The following SUZ12 variants were observed in gnomAD, a reference collection of about 807,000 sequenced individuals.
The protein encoded by SUZ12 is polycomb protein SUZ12.
In SUZ12, 17 loss-of-function variants were observed where a neutral mutation model predicts 87.3. The observed-to-expected ratio is 0.19, with a 90% CI of 0.13 to 0.29. The LOEUF is 0.29. Among genes scored for constraint, SUZ12 ranks in the 10% least tolerant of loss-of-function variants. The pLI, the probability that SUZ12 is intolerant of heterozygous loss-of-function variation, is 1.00. For missense variants in SUZ12, 526 were observed against 912.2 expected (o/e 0.58, Z 5.45); for synonymous variants, 253 against 312.4 (o/e 0.81, Z 2.01).
chr17:31,972,383 G>GTATATATATATA (rs71142099), intron 5 of SUZ12, among the ~76,000 whole-genome samples: 5 of 144,682 alleles, frequency 3.5e-5, no homozygotes, highest in African/African-American at 1.3e-4. Context: ...GTTTGTGTGT[G>GTATATATATATA]TATATATATA....
intron 8 of SUZ12, among the ~76,000 whole-genome samples, chr17:31,981,813 T>A (rs1233761773): frequency 1.3e-5 from 2 of 152,246 alleles, no homozygotes; most frequent in Non-Finnish European, 2.9e-5. Flanking sequence ...TTTTCTTGCC[T>A]CAGTTTTCTC....
intron 6 of SUZ12, 82 bp downstream of exon 6, chr17:31,973,313 T>C (rs990807619): frequency 7.8e-7 from 1 of 1,287,882 alleles, no homozygotes; most frequent in Non-Finnish European, 1.1e-6. Context: ...TATTGTATTT[T>C]AAAGCTTAGT....
chr17:31,970,459 C>G, intron 5 of SUZ12, among the ~76,000 whole-genome samples: 1 of 152,062 alleles, frequency 6.6e-6, no homozygotes, highest in African/African-American at 2.4e-5. Flanking sequence ...GAAGCCCCGT[C>G]TCTACTGAAA....
chr17:31,942,990 A>G (rs1202084939), intron 3 of SUZ12, among the ~76,000 whole-genome samples: 5 of 152,230 alleles, frequency 3.3e-5, no homozygotes, highest in African/African-American at 4.8e-5. Context: ...TTTATTAAGT[A>G]GGTATCACAT....
intron 4 of SUZ12, among the ~76,000 whole-genome samples, chr17:31,956,331 C>T (rs1283505423): frequency 6.6e-6 from 1 of 151,706 alleles, no homozygotes; most frequent in Non-Finnish European, 1.5e-5. Context: ...GTAGCTGGGA[C>T]TACAGGCGTG....
At chr17:31,989,126 T>C (rs767021102) in intron 10 of SUZ12, among the ~76,000 whole-genome samples, 2 of 152,006 alleles carry the variant, frequency 1.3e-5, no homozygotes, top group Non-Finnish European at 2.9e-5. Flanking sequence ...GGTTTCACCA[T>C]GTTAGCCAGG....
chr17:31,942,981 TTATTAAG>T (rs1348190715), intron 3 of SUZ12, among the ~76,000 whole-genome samples: 1 of 152,224 alleles, frequency 6.6e-6, no homozygotes, highest in Non-Finnish European at 1.5e-5. Context: ...CTGCTACTGT[TTATTAAG>T]TAGGTATCAC....
intron 10 of SUZ12, among the ~76,000 whole-genome samples, chr17:31,989,093 A>G (rs1393931269): frequency 4.0e-5 from 6 of 151,890 alleles, no homozygotes; most frequent in Non-Finnish European, 7.4e-5. Flanking sequence ...AAGTAAGTCA[A>G]TAAATTAAAA....
chr17:31,939,261 AT>A (rs879548113), intron 1 of SUZ12, among the ~76,000 whole-genome samples: 1 of 152,112 alleles, frequency 6.6e-6, no homozygotes, highest in African/African-American at 2.4e-5. Context: ...TGTGTCCGAG[AT>A]TCATTTCAAT....
At chr17:31,984,553 CAA>C (rs1367050454) in intron 9 of SUZ12, among the ~76,000 whole-genome samples, 1 of 151,944 alleles carries the variant, frequency 6.6e-6, no homozygotes, top group Non-Finnish European at 1.5e-5. Flanking sequence ...AAGTTACAAA[CAA>C]ATTATGGAAT....
Position 31,998,698 on chromosome 17 carries a change from T to A in SUZ12, c.1915T>A (p.Phe639Ile). The change falls in exon 16 of 16, where the codon TTT becomes ATT. Residue 639 changes from phenylalanine (F) to isoleucine (I), a missense_variant. By Grantham distance (21) the Phe-to-Ile change is conservative (BLOSUM62 0). Around this residue, in one of 9 missense-constraint regions of SUZ12, gnomAD observed 143 missense variants for 321.6 expected, o/e 0.44. Coordinates refer to ENST00000322652, the MANE Select transcript of SUZ12 (RefSeq NM_015355.4). ...TCAAATGAATCATGCCTGTATGCTG[T>A]TTGTAGAAAATTATGGACAGAAAAT... is the stretch of plus-strand genomic sequence containing the variant. The part of the protein sequence containing the change: ...DNQMNHACML[F>I]VENYGQKIIK... The A allele has an allele frequency of 6.3e-7, 1 of 1,591,268 alleles. No homozygotes were observed. The highest frequency in any genetic ancestry group is 8.6e-7 in the Non-Finnish European group (1 of 1,168,970).
chr17:31,954,486 T>A (rs1907185579), intron 4 of SUZ12, among the ~76,000 whole-genome samples: 1 of 152,156 alleles, frequency 6.6e-6, no homozygotes, highest in Non-Finnish European at 1.5e-5. Context: ...GCGCGTTTCA[T>A]TTATGTAGTG....
At chr17:31,957,281 C>T (rs1368483041) in intron 4 of SUZ12, among the ~76,000 whole-genome samples, 1 of 151,792 alleles carries the variant, frequency 6.6e-6, no homozygotes, top group African/African-American at 2.4e-5. Context: ...GCTTTGTTGC[C>T]CAGGCTGTAG....
At chr17:31,985,893 C>G (rs1215393374) in intron 9 of SUZ12, among the ~76,000 whole-genome samples, 1 of 152,098 alleles carries the variant, frequency 6.6e-6, no homozygotes, top group Non-Finnish European at 1.5e-5. Flanking sequence ...GAACTCCTGA[C>G]CTTGTGATCC....
At chr17:31,940,613 G>A (rs1159223997) in intron 3 of SUZ12, 127 bp downstream of exon 3, 14 of 1,403,914 alleles carry the variant, frequency 1.0e-5, no homozygotes, top group African/African-American at 1.5e-5. Flanking sequence ...GATTTAAGAT[G>A]AAAACTGAAG....
chr17:31,987,767 C>T (rs754454209), intron 9 of SUZ12, among the ~76,000 whole-genome samples: 1 of 152,076 alleles, frequency 6.6e-6, no homozygotes, highest in Non-Finnish European at 1.5e-5. Flanking sequence ...CCCGTCTCTA[C>T]TAAAAACACA....
chr17:31,947,725 A>G (rs1352054561), intron 4 of SUZ12, 40 bp downstream of exon 4: 1 of 1,557,772 alleles, frequency 6.4e-7, no homozygotes, highest in Non-Finnish European at 8.7e-7. Flanking sequence ...GATATACTTT[A>G]GGAAAGAGGA....
At position 31,993,263 on chromosome 17, in the gene SUZ12, C is replaced by G. The variant is rs748955039; in HGVS notation, c.1223C>G (p.Thr408Arg). 19 of 1,577,516 alleles carry G rather than the reference C, an allele frequency of 1.2e-5. No homozygotes were observed. The highest frequency in any genetic ancestry group is 1.6e-5 in the Non-Finnish European group (19 of 1,169,150). Residue 408 changes from threonine to arginine, a missense_variant, in exon 11 of 16, where the codon ACA (threonine) becomes AGA (arginine). Physicochemically the swap from Thr to Arg is moderately conservative, Grantham distance 71 (BLOSUM62 -1). Coordinates refer to ENST00000322652, the MANE Select transcript of SUZ12 (RefSeq NM_015355.4). ...TCAGCTGTTAAAGAATCATTGACTA[C>G]AGATCTACAAACAAGAAAAGAAAAG... ...QTIAVKESLT[T>R]DLQTRKEKDT...
chr17:31,971,250 G>A (rs1908408962), intron 5 of SUZ12, among the ~76,000 whole-genome samples: 1 of 152,128 alleles, frequency 6.6e-6, no homozygotes, highest in African/African-American at 2.4e-5. Flanking sequence ...TTGGCCACAA[G>A]TCTTGGTCAG....
Sources: gnomAD v4.1 joint callset for allele counts (sites outside exome capture counted in the v4.1 genomes callset) on GRCh38, gnomAD v4.1.1 for gene constraint, gnomAD v4.1.1 regional missense constraint, MANE v1.5 for transcripts, NCBI Gene and HGNC (gene_info 2026-07-23, HGNC 2026-07-21) for gene names.